Variants in CIAO3 observed in about 807,000 individuals in gnomAD.
CIAO3 encodes cytosolic iron-sulfur assembly component 3, also known as LET1 like/JFP15.
A neutral mutation model predicts 51.5 loss-of-function variants in CIAO3; 45 were observed. The ratio of observed to expected loss-of-function variants is 0.87; its 90% confidence interval spans 0.69 to 1.12. The LOEUF (loss-of-function observed/expected upper bound fraction) is 1.12, where lower values mean the gene tolerates loss of function less well. Ranked by LOEUF, CIAO3 falls within the 50% of genes most tolerant of loss-of-function variation. The pLI, the probability that CIAO3 is intolerant of heterozygous loss-of-function variation, is 0.00. For synonymous variants in CIAO3, 314 were observed against 269.3 expected (o/e 1.17, Z -1.63); for missense variants, 668 against 632.5 (o/e 1.06, Z -0.60).
Position 733,327 on chromosome 16 carries a change from G to A in CIAO3, c.794C>T (p.Thr265Ile). ...RPDFFNQEHQ[T>I]RDVDCVLTTG... is the part of the protein sequence containing the mutation. ...TGTGAGGACACAGTCCACATCCCGT[G>A]TCTGGTGCTCCTGGTTGAAAAAGTC... The change falls in exon 7 of 11, where the codon ACA (threonine) becomes ATA (isoleucine). Residue 265 changes from threonine to isoleucine, a missense_variant. Thr to Ile is a moderately conservative substitution (Grantham distance 89). Coordinates refer to ENST00000251588, the MANE Select transcript of CIAO3 (RefSeq NM_022493.3). 6.2e-7 allele frequency: 1 copy of A among 1,613,800 alleles called. No homozygotes were observed. The highest frequency in any genetic ancestry group is 8.5e-7 in the Non-Finnish European group (1 of 1,179,998).
rs2151603739 is a variant in CIAO3, at chr16:737,568, A to G, written c.163-239T>C. 1 of 1,477,858 alleles carries G rather than the reference A, an allele frequency of 6.8e-7. No individual in the cohort carries two copies. The highest frequency in any genetic ancestry group is 2.8e-5 in the East Asian group (1 of 35,544). 91.5% of individuals were successfully genotyped at this position (1,477,858 alleles called of 1,614,324 possible). A position where few individuals can be genotyped will look rare whatever the true frequency, so the allele number is the denominator to read the frequency against. ...TTGGTTAGTGCATCCGAATCACAGG[A>G]CTAAGGCTTGCCACTGGTATCTCAG... On this transcript the variant is annotated intron_variant, in intron 2 of 10. Coordinates refer to ENST00000251588, the MANE Select transcript of CIAO3 (RefSeq NM_022493.3). This position sits in a 1 kb window ranked among gnomAD's most constrained non-coding sequence, Gnocchi z 5.3.
At chr16:735,827 C>A (rs1476314116) in intron 4 of CIAO3, among the ~76,000 whole-genome samples, 2 of 152,182 alleles carry the variant, frequency 1.3e-5, no homozygotes, top group Non-Finnish European at 2.9e-5. Context: ...CACACAGTAA[C>A]CATGAGGTCC....
At chr16:738,952 AAC>A (rs1014281357) in intron 2 of CIAO3, among the ~76,000 whole-genome samples, 36 of 146,162 alleles carry the variant, frequency 2.5e-4, no homozygotes, top group South Asian at 7.1e-4. Flanking sequence ...CCTGAATTTT[AAC>A]AGTTTCATCA....
chr16:736,847 A>G (rs1036827062), intron 3 of CIAO3: 20 of 341,748 alleles, frequency 5.9e-5, no homozygotes, highest in African/African-American at 4.2e-4. Flanking sequence ...TATTTTTAGT[A>G]GAGACGGGGT....
Position 729,895 on chromosome 16 carries a change from C to T in CIAO3, c.*522G>A, listed in dbSNP as rs564585395. Reference sequence around the variant, plus strand: ...CTTGCCCCGGACCACAGCCTCGTAACGGTAACCCCTGCTTTCCAGGGGCCT... The same window carrying T: ...CTTGCCCCGGACCACAGCCTCGTAATGGTAACCCCTGCTTTCCAGGGGCCT... On this transcript the variant is annotated 3_prime_UTR_variant, in exon 11 of 11. Transcript: ENST00000251588. 28 of 386,424 alleles carry T rather than the reference C, an allele frequency of 7.2e-5. 1 individual carries two copies. The highest frequency in any genetic ancestry group is 8.9e-4 in the Middle Eastern group (1 of 1,122). The allele number at this position is 386,424 out of a possible 1,614,324, so 23.9% of individuals were successfully genotyped here.
intron 1 of CIAO3, chr16:740,699 G>T (rs940822261): frequency 1.8e-6 from 1 of 556,832 alleles, no homozygotes; most frequent in African/African-American, 2.0e-5. Context: ...GAGCGGGTTG[G>T]GGGGCGCCGC....
At chr16:734,137 ACT>A (rs1424423827) in intron 6 of CIAO3, 90 bp downstream of exon 6, 15 of 1,113,318 alleles carry the variant, frequency 1.3e-5, no homozygotes, top group Non-Finnish European at 2.0e-5. Flanking sequence ...CACAGCGAGG[ACT>A]CTGTTTCCTG....
At position 737,070 on chromosome 16, in the gene CIAO3, G is replaced by A; in HGVS notation, c.306+116C>T. The A allele has an allele frequency of 7.3e-7, 1 of 1,376,520 alleles. No individual in the cohort carries two copies. Among genetic ancestry groups the A allele is most frequent in the Non-Finnish European group, 1.0e-6 (1 of 986,732 alleles). 85.3% of individuals were successfully genotyped at this position (1,376,520 alleles called of 1,614,324 possible). ...AAGATTCCAAGCCTCAAAAAGGCAGGCGCCACCCGCACGACGGACGTCGGC... is the reference window on the plus strand; with the variant it reads ...AAGATTCCAAGCCTCAAAAAGGCAGACGCCACCCGCACGACGGACGTCGGC... On this transcript the variant is annotated intron_variant, in intron 3 of 10. Coordinates refer to ENST00000251588, the MANE Select transcript of CIAO3 (RefSeq NM_022493.3). The surrounding 1 kb of genome is among the most constrained non-coding windows in gnomAD (Gnocchi z 5.3).
intron 7 of CIAO3, chr16:732,723 G>GC (rs1567343793): frequency 2.8e-6 from 1 of 361,620 alleles, no homozygotes; most frequent in South Asian, 2.2e-5. Flanking sequence ...TACGACCTCT[G>GC]CCCCCCGGGA....
At chr16:733,156 G>A (rs61112891) in intron 7 of CIAO3, 142 bp downstream of exon 7, 22 of 1,087,222 alleles carry the variant, frequency 2.0e-5, no homozygotes, top group African/African-American at 1.4e-4. Context: ...GGGGAGAGAC[G>A]AAGGTACGTG....
At chr16:733,245 C>G in intron 7 of CIAO3, 53 bp downstream of exon 7, 1 of 1,602,038 alleles carries the variant, frequency 6.2e-7, no homozygotes, top group African/African-American at 1.3e-5. Flanking sequence ...GCCCAGGGCT[C>G]AGGAATCAGA....
chr16:739,125 G>A (rs142538171), intron 2 of CIAO3, among the ~76,000 whole-genome samples: 2,173 of 151,294 alleles, frequency 0.014, 56 homozygotes, highest in African/African-American at 0.05. Context: ...GTGAAACCCC[G>A]TCTCTACTAA....
rs192885582 is a variant in CIAO3 at position 730,900 on chromosome 16, T to G, written c.1135A>C (p.Arg379=). 273 of 1,612,944 alleles carry G rather than the reference T, an allele frequency of 1.7e-4. 3 individuals carry two copies. In the Admixed American group the frequency reaches 4.5e-3, roughly 27 times the overall value. The change falls in exon 10 of 11, where the codon AGG becomes CGG. Residue 379 remains arginine, a synonymous_variant. Transcript: ENST00000251588. The part of the protein sequence containing the change: ...GFRNIQNLVQ[R]LKRGRCPYHY... Reference sequence around the variant, plus strand: ...TAGGGGCAGCGCCCTCGTTTGAGCCTCTGCACCAGGTTCTGGATGTTGCGG... The same window carrying G: ...TAGGGGCAGCGCCCTCGTTTGAGCCGCTGCACCAGGTTCTGGATGTTGCGG...
intron 2 of CIAO3, chr16:739,321 A>G (rs2041369317): frequency 5.8e-6 from 2 of 345,092 alleles, no homozygotes; most frequent in South Asian, 5.7e-5. Context: ...AAACAAACAA[A>G]CAAAAGAACG....
At chr16:732,781 A>C (rs1249902040) in intron 7 of CIAO3, 2 of 340,760 alleles carry the variant, frequency 5.9e-6, no homozygotes, top group Non-Finnish European at 5.8e-6. Context: ...GGATTACAGG[A>C]GCACCACCAC....
rs1426782123 is a variant in CIAO3 at position 737,217 on chromosome 16, T to A, written c.275A>T (p.Glu92Val). The A allele has an allele frequency of 1.9e-6, 3 of 1,613,786 alleles. No homozygotes were observed. In the South Asian group the frequency reaches 3.3e-5, roughly 18 times the overall value. Residue 92 changes from glutamate (E) to valine (V), a missense_variant, in exon 3 of 11, where the codon GAG becomes GTG. By Grantham distance (121) the Glu-to-Val change is moderately radical. Transcript: ENST00000251588. This position sits in a 1 kb window ranked among gnomAD's most constrained non-coding sequence, Gnocchi z 5.3. ...AGCATCTAGAACCTTCTTCAGCTCC[T>A]CGTGGCTCTGCTGGGTGATAAGCAC... Reference protein sequence around the residue: ...ETVLITQQSHEELKKVLDANK... With the variant: ...ETVLITQQSHVELKKVLDANK...
chr16:740,930 C>T lies in CIAO3; in HGVS notation c.56G>A (p.Gly19Glu), dbSNP rs1176113580. The change falls in exon 1 of 11, where the codon GGG becomes GAG. Residue 19 changes from glycine (G) to glutamate (E), a missense_variant. Transcript: ENST00000251588. ...LQLTDLDDFI[G>E]PSQECIKPVK... ...CCCAGGCCGGCCCACCTGAGACGGC[C>T]CGATGAAGTCATCCAGGTCCGTCAG... 5 of 1,528,604 alleles carry T rather than the reference C, an allele frequency of 3.3e-6. No homozygotes were observed. The highest frequency in any genetic ancestry group is 2.5e-5 in the East Asian group (1 of 39,424). 94.7% of individuals were successfully genotyped at this position (1,528,604 alleles called of 1,614,324 possible). A position where few individuals can be genotyped will look rare whatever the true frequency, so the allele number is the denominator to read the frequency against.
chr16:734,860 C>A lies in CIAO3; in HGVS notation c.451G>T (p.Val151Phe). ...TGCCTTGAGAAGGCGGTGTCGAAGA[C>A]GAAGTGCACCCCTGGAAGGTGAAGG... The part of the protein sequence containing the change: ...SFFKKIGVHF[V>F]FDTAFSRHFS... Residue 151 changes from valine to phenylalanine, a missense_variant, in exon 5 of 11, where the codon GTC becomes TTC. Coordinates refer to ENST00000251588, the MANE Select transcript of CIAO3 (RefSeq NM_022493.3). The A allele has an allele frequency of 1.3e-6, 2 of 1,563,686 alleles. No homozygotes were observed. The highest frequency in any genetic ancestry group is 8.7e-7 in the Non-Finnish European group (1 of 1,150,644).
Position 730,947 on chromosome 16 carries a change from T to G in CIAO3, c.1088A>C (p.His363Pro). Residue 363 changes from histidine (H) to proline (P), a missense_variant, in exon 10 of 11, where the codon CAC (histidine) becomes CCC (proline). Physicochemically the swap from His to Pro is moderately conservative, Grantham distance 77. Coordinates refer to ENST00000251588, the MANE Select transcript of CIAO3 (RefSeq NM_022493.3). ...GCGGAAGCCGTACGCCATTGCGAAGTGCAGCAGCACCTGGCCCTCCTTCTC... is the reference window on the plus strand; with the variant it reads ...GCGGAAGCCGTACGCCATTGCGAAGGGCAGCAGCACCTGGCCCTCCTTCTC... ...TLEKEGQVLL[H>P]FAMAYGFRNI... 1 of 1,612,990 alleles carries G rather than the reference T, an allele frequency of 6.2e-7. No individual in the cohort carries two copies. The highest frequency in any genetic ancestry group is 1.3e-5 in the African/African-American group (1 of 75,078).
Sources: gnomAD v4.1 joint callset for allele counts (sites outside exome capture counted in the v4.1 genomes callset) on GRCh38, gnomAD v4.1.1 for gene constraint, Gnocchi (gnomAD v3.1) non-coding constraint, MANE v1.5 for transcripts, NCBI Gene and HGNC (gene_info 2026-07-23, HGNC 2026-07-21) for gene names.